ZNF512B: variants seen among roughly 807,000 people sequenced by gnomAD.
ZNF512B encodes the protein zinc finger protein 512B.
A neutral mutation model predicts 87.8 loss-of-function variants in ZNF512B; 22 were observed. That is an observed-to-expected ratio of 0.25 (90% CI 0.18 to 0.36). The LOEUF (loss-of-function observed/expected upper bound fraction) is 0.36, where lower values mean the gene tolerates loss of function less well. Among genes scored for constraint, ZNF512B ranks in the 10% least tolerant of loss-of-function variants. The pLI, the probability that ZNF512B is intolerant of heterozygous loss-of-function variation, is 1.00. For synonymous variants in ZNF512B, 524 were observed against 490.9 expected, an observed-to-expected ratio of 1.07 and a Z score of -0.89; for missense variants, 1,060 against 1,231.6, an observed-to-expected ratio of 0.86 and a Z score of 2.09.
At position 63,962,633 on chromosome 20, in the gene ZNF512B, C is replaced by A; in HGVS notation, c.2117G>T (p.Trp706Leu). ...GTCATCCTTCATGCGCCGCTTGGTC[C>A]AGTCGCGGGCCAGCTCGTCCTCCGC... ...EIAEDELARD[W>L]TKRRMKDDLV... The change falls in exon 13 of 17, where the codon TGG (tryptophan) becomes TTG (leucine). Residue 706 changes from tryptophan to leucine, a missense_variant. This residue lies in a region of ZNF512B where 253 missense variants were observed against 259.2 expected (regional missense o/e 0.98). Coordinates refer to ENST00000369888, the MANE Select transcript of ZNF512B (RefSeq NM_020713.3). 6.2e-7 allele frequency: 1 copy of A among 1,607,584 alleles called. No homozygotes were observed. The highest frequency in any genetic ancestry group is 1.7e-4 in the Middle Eastern group (1 of 5,990).
At position 63,958,092 on chromosome 20, in the gene ZNF512B, C is replaced by T. The variant is rs1197447555; in HGVS notation, c.*1796G>A. On this transcript the variant is annotated 3_prime_UTR_variant, in exon 17 of 17. Transcript: ENST00000369888. ...AAGGGCTGCTGAGGGTTGGAGCCTT[C>T]TGGCCCAAGGATGAAGCCAGAGACA... is the stretch of plus-strand genomic sequence containing the variant. 1 of 152,270 alleles carries T rather than the reference C, an allele frequency of 6.6e-6. No homozygotes were observed. Among genetic ancestry groups the T allele is most frequent in the East Asian group, 1.9e-4 (1 of 5,208 alleles). 9.4% of individuals were successfully genotyped at this position (152,270 alleles called of 1,614,324 possible).
Position 63,963,774 on chromosome 20 carries a change from CG to C in ZNF512B, c.1605+14del, listed in dbSNP as rs2058886413. The C allele has an allele frequency of 8.1e-6, 13 of 1,613,056 alleles. No individual in the cohort carries two copies. Among genetic ancestry groups the C allele is most frequent in the Non-Finnish European group, 1.1e-5 (13 of 1,180,016 alleles). On this transcript the variant is annotated intron_variant, in intron 9 of 16. Coordinates refer to ENST00000369888, the MANE Select transcript of ZNF512B (RefSeq NM_020713.3). The stretch of plus-strand genomic sequence containing the variant: ...AGGGCGCCTCCCTCCCAGCGCCTTC[CG>C]GGAGCTGCCTTACCTTCTGACACAC...
intron 1 of ZNF512B, among the ~76,000 whole-genome samples, chr20:63,968,222 ACC>A (rs1383671590): frequency 6.6e-6 from 1 of 151,752 alleles, no homozygotes; most frequent in Non-Finnish European, 1.5e-5. Context: ...CAACTTCCAG[ACC>A]CCCTTCCCAA....
chr20:63,962,825 C>T, intron 12 of ZNF512B, 44 bp from the exon 13 acceptor site: 1 of 1,537,746 alleles, frequency 6.5e-7, no homozygotes, highest in East Asian at 2.3e-5. Context: ...GCCGCGGGAG[C>T]AAGAGTCAGG....
At position 63,966,719 on chromosome 20, in the gene ZNF512B, C is replaced by T. The variant is rs2058932485; in HGVS notation, c.456G>A (p.Lys152=). ...CPFCEAAFTS[K]TQLEKHRIWN... The stretch of plus-strand genomic sequence containing the variant: ...AGATCCGGTGTTTCTCCAGCTGGGT[C>T]TTAGAGGTGAATGCGGCCTCGCAGA... Residue 152 remains lysine, a synonymous_variant, in exon 5 of 17, where the codon AAG becomes AAA. Transcript: ENST00000369888. The T allele has an allele frequency of 6.2e-7, 1 of 1,608,536 alleles. No homozygotes were observed. The highest frequency in any genetic ancestry group is 2.2e-5 in the East Asian group (1 of 44,832).
At chr20:63,969,597 G>C (rs890763780) in intron 1 of ZNF512B, among the ~76,000 whole-genome samples, 2 of 147,750 alleles carry the variant, frequency 1.4e-5, no homozygotes, top group African/African-American at 4.9e-5. Context: ...CGCGGGGTGG[G>C]GGGGCGAAGG....
chr20:63,967,941 G>A lies in ZNF512B; in HGVS notation c.10C>T (p.Pro4Ser). 1.9e-6 allele frequency: 3 copies of A among 1,610,090 alleles called. No individual in the cohort carries two copies. The highest frequency in any genetic ancestry group is 1.1e-5 in the South Asian group (1 of 91,030). Reference sequence around the variant, plus strand: ...AGCCGACGGCCTCCAACGCAGAAAGGATCCGTCATCTCTGCAGAGCAAGTA... The same window carrying A: ...AGCCGACGGCCTCCAACGCAGAAAGAATCCGTCATCTCTGCAGAGCAAGTA... Reference protein sequence around the residue: MTDPFCVGGRRLPG... With the variant: MTDSFCVGGRRLPG... The change falls in exon 2 of 17, where the codon CCT becomes TCT. Residue 4 changes from proline (P) to serine (S), a missense_variant. Physicochemically the swap from Pro to Ser is moderately conservative, Grantham distance 74. This residue lies in a region of ZNF512B where 134 missense variants were observed against 153.6 expected (regional missense o/e 0.87). Transcript: ENST00000369888.
chr20:63,963,454 G>A lies in ZNF512B; in HGVS notation c.1699-14C>T. On this transcript the variant is annotated splice_polypyrimidine_tract_variant and intron_variant, in intron 10 of 16. Coordinates refer to ENST00000369888, the MANE Select transcript of ZNF512B (RefSeq NM_020713.3). ...GGCGTCAGAGGGCTGGGGACAGGGTGAGCATCGGTGACCCGGCACCATCGC... is the reference window on the plus strand; with the variant it reads ...GGCGTCAGAGGGCTGGGGACAGGGTAAGCATCGGTGACCCGGCACCATCGC... 1 of 1,545,806 alleles carries A rather than the reference G, an allele frequency of 6.5e-7. No homozygotes were observed. Among genetic ancestry groups the A allele is most frequent in the African/African-American group, 1.4e-5 (1 of 73,494 alleles).
chr20:63,965,851 C>T (rs550785585), intron 5 of ZNF512B, among the ~76,000 whole-genome samples: 1,253 of 30,566 alleles, frequency 0.041, 385 homozygotes, highest in African/African-American at 0.25. Context: ...CACTGTTCCC[C>T]GACCTGGGAC....
chr20:63,961,184 G>T lies in ZNF512B; in HGVS notation c.2427+125C>A. 1.2e-6 allele frequency: 1 copy of T among 805,092 alleles called. No individual in the cohort carries two copies. The highest frequency in any genetic ancestry group is 2.0e-6 in the Non-Finnish European group (1 of 492,042). 49.9% of individuals were successfully genotyped at this position (805,092 alleles called of 1,614,324 possible). A position where few individuals can be genotyped will look rare whatever the true frequency, so the allele number is the denominator to read the frequency against. On this transcript the variant is annotated intron_variant, in intron 16 of 16. Transcript: ENST00000369888. The surrounding 1 kb of genome is among the most constrained non-coding windows in gnomAD (Gnocchi z 6.4). ...AGAAACTACCAGATTTCTCCACATT[G>T]GCCACTCTCCCAGGCACACCCCATG...
At position 63,966,858 on chromosome 20, in the gene ZNF512B, C is replaced by T. The variant is rs200736670; in HGVS notation, c.393+18G>A. 255 of 1,613,568 alleles carry T rather than the reference C, an allele frequency of 1.6e-4. 1 individual carries two copies. In the South Asian group the frequency reaches 1.8e-3, roughly 11 times the overall value. On this transcript the variant is annotated intron_variant, in intron 4 of 16. Transcript: ENST00000369888. ...ACACACCCCGAGGCCTCCTCTCCCC[C>T]GACCCACAGTCCCTTACCCCTTGGC...
rs1480441318 is a variant in ZNF512B at position 63,961,850 on chromosome 20, G to A, written c.2328+92C>T. 1 of 1,298,858 alleles carries A rather than the reference G, an allele frequency of 7.7e-7. No homozygotes were observed. Among genetic ancestry groups the A allele is most frequent in the Non-Finnish European group, 1.1e-6 (1 of 922,632 alleles). The allele number at this position is 1,298,858 out of a possible 1,614,324, so 80.5% of individuals were successfully genotyped here. A position where few individuals can be genotyped will look rare whatever the true frequency, so the allele number is the denominator to read the frequency against. On this transcript the variant is annotated intron_variant, in intron 15 of 16. Coordinates refer to ENST00000369888, the MANE Select transcript of ZNF512B (RefSeq NM_020713.3). The surrounding 1 kb of genome is among the most constrained non-coding windows in gnomAD (Gnocchi z 6.4). ...GTAGAAAAAGTAGGGGACAAGGCAG[G>A]GTCCCTCACTACTGTGTGGGAAGCC... is the stretch of plus-strand genomic sequence containing the variant.
chr20:63,960,108 G>A lies in ZNF512B; in HGVS notation c.2459C>T (p.Pro820Leu). Residue 820 changes from proline (P) to leucine (L), a missense_variant, in exon 17 of 17, where the codon CCC becomes CTC. Pro to Leu is a moderately conservative substitution (Grantham distance 98). Coordinates refer to ENST00000369888, the MANE Select transcript of ZNF512B (RefSeq NM_020713.3). ...CAATGAGTCCTGGCTCCTGTGTTTG[G>A]GAGGTGGGTCTGCTGATGTTCGGAA... Reference protein sequence around the residue: ...NWFRTSADPPPKHRSQDSLVP... With the variant: ...NWFRTSADPPLKHRSQDSLVP... 3 of 1,613,920 alleles carry A rather than the reference G, an allele frequency of 1.9e-6. No individual in the cohort carries two copies. The highest frequency in any genetic ancestry group is 2.5e-6 in the Non-Finnish European group (3 of 1,179,992).
chr20:63,967,799 T>C (rs1328454460), intron 2 of ZNF512B, 31 bp downstream of exon 2: 1 of 1,600,074 alleles, frequency 6.2e-7, no homozygotes, highest in Non-Finnish European at 8.5e-7. Context: ...CAGAACCATC[T>C]GGAATTGACT....
In ZNF512B at chr20:63,957,497, AGAGG is replaced by A. The variant is rs1313529073; in HGVS notation, c.*2387_*2390del. The stretch of plus-strand genomic sequence containing the variant: ...AGGGCTCTGCGGACCAGCATGTGGC[AGAGG>A]GAGGGCAGAAAGGAGGGGGTCAGAC... On this transcript the variant is annotated 3_prime_UTR_variant, in exon 17 of 17. Coordinates refer to ENST00000369888, the MANE Select transcript of ZNF512B (RefSeq NM_020713.3). 6.6e-6 allele frequency: 1 copy of A among 152,654 alleles called. No individual in the cohort carries two copies. Among genetic ancestry groups the A allele is most frequent in the Non-Finnish European group, 1.5e-5 (1 of 68,138 alleles). The allele number at this position is 152,654 out of a possible 1,614,324, so 9.5% of individuals were successfully genotyped here.
At chr20:63,962,411 A>G in intron 13 of ZNF512B, 37 bp from the exon 14 acceptor site, 1 of 1,589,096 alleles carries the variant, frequency 6.3e-7, no homozygotes, top group Non-Finnish European at 8.6e-7. Flanking sequence ...GCCTGAGGCC[A>G]GAAGACACCC....
chr20:63,963,599 G>T lies in ZNF512B; in HGVS notation c.1698+19C>A. ...AGGTCAGAGGTCACGCTGGACGGGA[G>T]CTGGGGGCCCGACGGTACCTTGGCA... On this transcript the variant is annotated intron_variant, in intron 10 of 16. Transcript: ENST00000369888. The T allele has an allele frequency of 6.2e-7, 1 of 1,612,838 alleles. No homozygotes were observed. Among genetic ancestry groups the T allele is most frequent in the Non-Finnish European group, 8.5e-7 (1 of 1,179,808 alleles).
chr20:63,968,661 A>T (rs1245104930), intron 1 of ZNF512B, among the ~76,000 whole-genome samples: 2 of 152,192 alleles, frequency 1.3e-5, no homozygotes, highest in Non-Finnish European at 2.9e-5. Context: ...TGCTCTTCGC[A>T]GACTTGTCTC....
In ZNF512B at chr20:63,959,534, G is replaced by A; in HGVS notation, c.*354C>T. ...CTTGGGGTAGCCAGGGAAGGGACCC[G>A]GCAGGGCCTGAGGAAGCGGAGCCGG... On this transcript the variant is annotated 3_prime_UTR_variant, in exon 17 of 17. Coordinates refer to ENST00000369888, the MANE Select transcript of ZNF512B (RefSeq NM_020713.3). 7.0e-6 allele frequency: 2 copies of A among 284,158 alleles called. No homozygotes were observed. The highest frequency in any genetic ancestry group is 9.8e-4 in the Middle Eastern group (1 of 1,016). 17.6% of individuals were successfully genotyped at this position (284,158 alleles called of 1,614,324 possible). A position where few individuals can be genotyped will look rare whatever the true frequency, so the allele number is the denominator to read the frequency against.
Sources: gnomAD v4.1 joint callset for allele counts (sites outside exome capture counted in the v4.1 genomes callset) on GRCh38, gnomAD v4.1.1 for gene constraint, gnomAD v4.1.1 regional missense constraint, Gnocchi (gnomAD v3.1) non-coding constraint, MANE v1.5 for transcripts, NCBI Gene and HGNC (gene_info 2026-07-23, HGNC 2026-07-21) for gene names.